Variants in POLL observed in about 807,000 individuals in gnomAD.
POLL encodes the protein DNA polymerase beta-2.
In POLL, 44 loss-of-function variants were observed where a neutral mutation model predicts 58.1. The ratio of observed to expected loss-of-function variants is 0.76; its 90% confidence interval spans 0.60 to 0.97. POLL has a LOEUF of 0.97. Ranked by LOEUF, POLL falls within the 50% of genes least tolerant of loss-of-function variation. The probability of loss-of-function intolerance (pLI) is 0.00; values close to 1 mark genes in which losing one functional copy is unlikely to be tolerated. For missense variants in POLL, 632 were observed against 736.8 expected (o/e 0.86, Z 1.65); for synonymous variants, 290 against 283.2 (o/e 1.02, Z -0.24).
intron 6 of POLL, 85 bp from the exon 7 acceptor site, chr10:101,582,976 C>A (rs748567422): frequency 2.6e-6 from 4 of 1,546,884 alleles, no homozygotes; most frequent in South Asian, 1.1e-5. Context: ...AGGCTTCCAT[C>A]GCCCCAGACT....
Position 101,580,377 on chromosome 10 carries a change from A to G in POLL, c.1234T>C (p.Cys412Arg), listed in dbSNP as rs2062918505. 6.2e-7 allele frequency: 1 copy of G among 1,613,876 alleles called. No individual in the cohort carries two copies. Among genetic ancestry groups the G allele is most frequent in the Admixed American group, 1.7e-5 (1 of 60,004 alleles). Reference sequence around the variant, plus strand: ...CGTCGGTATGAACCACATGCCACACACAGCAGCCCAGAGTTAAAGGCCTGG... The same window carrying G: ...CGTCGGTATGAACCACATGCCACACGCAGCAGCCCAGAGTTAAAGGCCTGG... ...AAQAFNSGLL[C>R]VACGSYRRGK... Residue 412 changes from cysteine to arginine, a missense_variant, in exon 8 of 9, where the codon TGT becomes CGT. Cys to Arg is a radical substitution (Grantham distance 180). Transcript: ENST00000370162. This position sits in a 1 kb window ranked among gnomAD's most constrained non-coding sequence, Gnocchi z 4.1.
intron 5 of POLL, among the ~76,000 whole-genome samples, chr10:101,584,297 C>T (rs112163419): frequency 7.3e-5 from 11 of 151,236 alleles, no homozygotes; most frequent in South Asian, 2.1e-4. Context: ...CTGGGTAACA[C>T]GGCAAAACAC....
Position 101,586,109 on chromosome 10 carries a change from G to T in POLL, c.163C>A (p.Arg55=). 6.2e-7 allele frequency: 1 copy of T among 1,613,674 alleles called. No individual in the cohort carries two copies. Among genetic ancestry groups the T allele is most frequent in the Non-Finnish European group, 8.5e-7 (1 of 1,179,936 alleles). ...RAHVVRTGIG[R]ARAELFEKQI... is the part of the protein sequence containing the mutation. ...TTCTCAAAGAGTTCTGCCCGGGCTC[G>T]TCCAATGCCAGTGCGCACAACATGG... The change falls in exon 3 of 9, where the codon CGA becomes AGA. Residue 55 remains arginine (R), a synonymous_variant. Transcript: ENST00000370162.
Position 101,579,224 on chromosome 10 carries a change from G to C in POLL, c.*229C>G, listed in dbSNP as rs1369728679. 1.4e-5 allele frequency: 8 copies of C among 566,930 alleles called. No individual in the cohort carries two copies. The highest frequency in any genetic ancestry group is 2.5e-5 in the Non-Finnish European group (8 of 321,854). The allele number at this position is 566,930 out of a possible 1,614,324, so 35.1% of individuals were successfully genotyped here. On this transcript the variant is annotated 3_prime_UTR_variant, in exon 9 of 9. Coordinates refer to ENST00000370162, the MANE Select transcript of POLL (RefSeq NM_001174084.2). This position sits in a 1 kb window ranked among gnomAD's most constrained non-coding sequence, Gnocchi z 4.4. ...CGAGGGGCAGTGGTGAGGTAGAAGG[G>C]GTGGCAGCCTGCTCCTGTCTGGGAG...
Position 101,580,212 on chromosome 10 carries a change from T to C in POLL, c.1363+36A>G, listed in dbSNP as rs1421380176. On this transcript the variant is annotated intron_variant, in intron 8 of 8. Transcript: ENST00000370162. The surrounding 1 kb of genome is among the most constrained non-coding windows in gnomAD (Gnocchi z 4.1). ...GGGGGCCCCCAGACCTGTGCTGCCC[T>C]CTGTCAACCTGCTCACCCAGAGATG... is the stretch of plus-strand genomic sequence containing the variant. The C allele has an allele frequency of 6.3e-7, 1 of 1,585,228 alleles. No individual in the cohort carries two copies. The highest frequency in any genetic ancestry group is 2.2e-5 in the East Asian group (1 of 44,572).
In POLL at chr10:101,587,242, T is replaced by C. The variant is rs752515522; in HGVS notation, c.115+4A>G. On this transcript the variant is annotated splice_donor_region_variant and intron_variant, in intron 2 of 8. Transcript: ENST00000370162. ...ACGAGGGTTCTGAGACTGGGTCAGC[T>C]CACCTTCTGCTTCTTCTCCCTCTTC... The C allele has an allele frequency of 3.1e-6, 5 of 1,613,814 alleles. No individual in the cohort carries two copies. The East Asian group carries it at 1.1e-4, about 36-fold the overall frequency.
At chr10:101,587,494 C>A in intron 1 of POLL, 88 bp from the exon 2 acceptor site, 18 of 1,504,754 alleles carry the variant, frequency 1.2e-5, no homozygotes, top group Non-Finnish European at 1.6e-5. Flanking sequence ...GGGGTAGCAG[C>A]CCAGTTTGGG....
intron 7 of POLL, chr10:101,582,353 G>C (rs188769742): frequency 2.5e-4 from 42 of 167,642 alleles, no homozygotes; most frequent in Non-Finnish European, 5.2e-4. Context: ...TTTTCATCAG[G>C]TTCTCAAAGA....
At chr10:101,583,813 C>T in intron 5 of POLL, 132 bp from the exon 6 acceptor site, 1 of 713,088 alleles carries the variant, frequency 1.4e-6, no homozygotes, top group Non-Finnish European at 2.4e-6. Context: ...AACTGTGTGG[C>T]TGTGTAAAGC....
In POLL at chr10:101,587,324, G is replaced by A; in HGVS notation, c.37C>T (p.Arg13Trp). The change falls in exon 2 of 9, where the codon CGG becomes TGG. Residue 13 changes from arginine (R) to tryptophan (W), a missense_variant. Coordinates refer to ENST00000370162, the MANE Select transcript of POLL (RefSeq NM_001174084.2). ...PRGILKAFPK[R>W]QKIHADASSK... ...GATGCATCAGCATGAATTTTCTGCC[G>A]CTTGGGAAATGCCTTCAAGATACCC... is the stretch of plus-strand genomic sequence containing the variant. 2 of 1,614,122 alleles carry A rather than the reference G, an allele frequency of 1.2e-6. No individual in the cohort carries two copies. Among genetic ancestry groups the A allele is most frequent in the Non-Finnish European group, 1.7e-6 (2 of 1,180,020 alleles).
chr10:101,587,082 A>T (rs1564879457), intron 2 of POLL, 164 bp downstream of exon 2: 1 of 1,498,708 alleles, frequency 6.7e-7, no homozygotes, highest in Non-Finnish European at 9.3e-7. Context: ...CCTGTCCAAG[A>T]CCCAGGACCA....
At chr10:101,587,500 T>C (rs1317376844) in intron 1 of POLL, 94 bp from the exon 2 acceptor site, 3 of 1,385,918 alleles carry the variant, frequency 2.2e-6, no homozygotes, top group Non-Finnish European at 9.5e-7. Flanking sequence ...GCAGCCCAGT[T>C]TGGGGAAGCG....
chr10:101,584,792 G>C lies in POLL; in HGVS notation c.701C>G (p.Ala234Gly). 1 of 1,607,164 alleles carries C rather than the reference G, an allele frequency of 6.2e-7. No individual in the cohort carries two copies. The highest frequency in any genetic ancestry group is 8.5e-7 in the Non-Finnish European group (1 of 1,175,902). Residue 234 changes from alanine (A) to glycine (G), a missense_variant, in exon 5 of 9, where the codon GCT becomes GGT. Ala to Gly is a moderately conservative substitution (Grantham distance 60, BLOSUM62 0). Coordinates refer to ENST00000370162, the MANE Select transcript of POLL (RefSeq NM_001174084.2). Reference protein sequence around the residue: ...EGDCEPSPAPAVLDKWVCAQP... With the variant: ...EGDCEPSPAPGVLDKWVCAQP... ...TGCACAGACCCACTTATCCAGGACAGCAGGGGCTGGGCTAGGCTCACAATC... is the reference window on the plus strand; with the variant it reads ...TGCACAGACCCACTTATCCAGGACACCAGGGGCTGGGCTAGGCTCACAATC...
In POLL at chr10:101,587,970, G is replaced by A. The variant is rs2063483873; in HGVS notation, c.-195C>T. 6 of 1,281,374 alleles carry A rather than the reference G, an allele frequency of 4.7e-6. No homozygotes were observed. The South Asian group carries it at 5.3e-5, about 11-fold the overall frequency. The allele number at this position is 1,281,374 out of a possible 1,614,324, so 79.4% of individuals were successfully genotyped here. A position where few individuals can be genotyped will look rare whatever the true frequency, so the allele number is the denominator to read the frequency against. Reference sequence around the variant, plus strand: ...GGCACGGCCGCAGCAGGTGTGGGGAGCCCTCCGGGAATGGAGGAGTCTCGC... The same window carrying A: ...GGCACGGCCGCAGCAGGTGTGGGGAACCCTCCGGGAATGGAGGAGTCTCGC... On this transcript the variant is annotated 5_prime_UTR_variant, in exon 1 of 9. Coordinates refer to ENST00000370162, the MANE Select transcript of POLL (RefSeq NM_001174084.2).
Position 101,580,587 on chromosome 10 carries a change from G to A in POLL, c.1195-171C>T, listed in dbSNP as rs185686574. Reference sequence around the variant, plus strand: ...TGAGGAGCTGCTGTTCTTTCCCTTCGCTAGGACAGGAGAGAAGAAAAAGCT... The same window carrying A: ...TGAGGAGCTGCTGTTCTTTCCCTTCACTAGGACAGGAGAGAAGAAAAAGCT... On this transcript the variant is annotated intron_variant, in intron 7 of 8. Coordinates refer to ENST00000370162, the MANE Select transcript of POLL (RefSeq NM_001174084.2). This position sits in a 1 kb window ranked among gnomAD's most constrained non-coding sequence, Gnocchi z 4.1. 10 of 604,654 alleles carry A rather than the reference G, an allele frequency of 1.7e-5. No individual in the cohort carries two copies. Among genetic ancestry groups the A allele is most frequent in the South Asian group, 6.0e-5 (3 of 50,184 alleles). The allele number at this position is 604,654 out of a possible 1,614,324, so 37.5% of individuals were successfully genotyped here.
Position 101,588,180 on chromosome 10 carries a change from G to A in POLL, c.-405C>T. 1.3e-6 allele frequency: 2 copies of A among 1,527,554 alleles called. No homozygotes were observed. The highest frequency in any genetic ancestry group is 1.8e-6 in the Non-Finnish European group (2 of 1,139,108). The allele number at this position is 1,527,554 out of a possible 1,614,324, so 94.6% of individuals were successfully genotyped here. ...CTACTGGCCAAGCTAGTCACCCGGGGGTGGGCAGGAATAGACCACTTACCA... is the reference window on the plus strand; with the variant it reads ...CTACTGGCCAAGCTAGTCACCCGGGAGTGGGCAGGAATAGACCACTTACCA... On this transcript the variant is annotated 5_prime_UTR_variant, in exon 1 of 9. Transcript: ENST00000370162.
At position 101,580,126 on chromosome 10, in the gene POLL, G is replaced by A. The variant is rs1268533452; in HGVS notation, c.1363+122C>T. 2 of 903,720 alleles carry A rather than the reference G, an allele frequency of 2.2e-6. No homozygotes were observed. Among genetic ancestry groups the A allele is most frequent in the Non-Finnish European group, 3.4e-6 (2 of 585,050 alleles). The allele number at this position is 903,720 out of a possible 1,614,324, so 56.0% of individuals were successfully genotyped here. The stretch of plus-strand genomic sequence containing the variant: ...GCCCCGATAGAGAGATGGGATGCTG[G>A]CAAAGCACTGTTCCCCTGCTTCCTG... On this transcript the variant is annotated intron_variant, in intron 8 of 8. Coordinates refer to ENST00000370162, the MANE Select transcript of POLL (RefSeq NM_001174084.2). This position sits in a 1 kb window ranked among gnomAD's most constrained non-coding sequence, Gnocchi z 4.1.
At position 101,579,564 on chromosome 10, in the gene POLL, G is replaced by A. The variant is rs765698707; in HGVS notation, c.1617C>T (p.Asn539=). 1.9e-6 allele frequency: 3 copies of A among 1,614,016 alleles called. No individual in the cohort carries two copies. The highest frequency in any genetic ancestry group is 1.1e-5 in the South Asian group (1 of 91,088). ...CAGGCCCCACCTTGCAGCCATGGGT[G>A]TTCCGGACCACAGCAGTGCTGAGGG... ...EHALSTAVVR[N]THGCKVGPGR... Residue 539 remains asparagine (N), a synonymous_variant, in exon 9 of 9, where the codon AAC becomes AAT. Coordinates refer to ENST00000370162, the MANE Select transcript of POLL (RefSeq NM_001174084.2). This position sits in a 1 kb window ranked among gnomAD's most constrained non-coding sequence, Gnocchi z 4.4.
chr10:101,582,254 C>A (rs2063041237), intron 7 of POLL: 1 of 154,520 alleles, frequency 6.5e-6, no homozygotes, highest in South Asian at 2.0e-4. Context: ...CCTGAGCCAG[C>A]CTTGCGTGGG....
Sources: allele counts gnomAD v4.1 joint callset (sites outside exome capture counted in the v4.1 genomes callset), GRCh38; gene constraint gnomAD v4.1.1; non-coding constraint Gnocchi (gnomAD v3.1); transcripts MANE v1.5; gene names NCBI Gene and HGNC (gene_info 2026-07-23, HGNC 2026-07-21).